GSK3B: variants seen among roughly 807,000 people sequenced by gnomAD.
GSK3B encodes glycogen synthase kinase-3 beta.
GSK3B carries 15 observed loss-of-function variants against 56.4 expected under a neutral mutation model. The observed-to-expected ratio is 0.27, with a 90% CI of 0.18 to 0.41. The LOEUF (loss-of-function observed/expected upper bound fraction) is 0.41, where lower values mean the gene tolerates loss of function less well. GSK3B is among the 10% of genes least tolerant of loss of function. GSK3B has a pLI of 1.00. For synonymous variants in GSK3B, 181 were observed against 188.9 expected, an observed-to-expected ratio of 0.96 and a Z score of 0.34; for missense variants, 300 against 513.4, an observed-to-expected ratio of 0.58 and a Z score of 4.02.
intron 7 of GSK3B, among the ~76,000 whole-genome samples, chr3:119,878,487 G>A (rs1229646692): frequency 6.6e-6 from 1 of 152,142 alleles, no homozygotes; most frequent in Non-Finnish European, 1.5e-5. Flanking sequence ...TACAGCAACT[G>A]AAGCTCTCAC....
At chr3:120,009,450 T>C (rs1032350796) in intron 1 of GSK3B, among the ~76,000 whole-genome samples, 1 of 152,154 alleles carries the variant, frequency 6.6e-6, no homozygotes, top group Non-Finnish European at 1.5e-5. Context: ...CCATCAGTGA[T>C]AGACTGGATT....
intron 1 of GSK3B, chr3:120,041,280 C>T (rs891352617): frequency 1.9e-5 from 5 of 267,944 alleles, no homozygotes; most frequent in Admixed American, 3.6e-5. Flanking sequence ...AGCTAATTTT[C>T]CTGAGTAAGT....
At chr3:119,962,490 A>G (rs2057281953) in intron 2 of GSK3B, among the ~76,000 whole-genome samples, 2 of 152,320 alleles carry the variant, frequency 1.3e-5, no homozygotes, top group Non-Finnish European at 1.5e-5. Context: ...TTAGGCAAGA[A>G]TGCCCACTCT....
chr3:119,930,519 G>C (rs2056935815), intron 3 of GSK3B, among the ~76,000 whole-genome samples: 1 of 152,128 alleles, frequency 6.6e-6, no homozygotes, highest in African/African-American at 2.4e-5. Flanking sequence ...AGACCTAGAA[G>C]AATGGCTTAA....
At chr3:119,854,686 G>A (rs185171183) in intron 9 of GSK3B, among the ~76,000 whole-genome samples, 3 of 152,206 alleles carry the variant, frequency 2.0e-5, no homozygotes, top group Non-Finnish European at 2.9e-5. Flanking sequence ...ATTTCTTCTA[G>A]ATTTTCTAGT....
At chr3:120,024,543 C>T (rs2057907901) in intron 1 of GSK3B, among the ~76,000 whole-genome samples, 1 of 152,158 alleles carries the variant, frequency 6.6e-6, no homozygotes, top group South Asian at 2.1e-4. Flanking sequence ...TCTCTGAAAA[C>T]CTCCTTCCCC....
intron 2 of GSK3B, among the ~76,000 whole-genome samples, chr3:119,980,125 T>C (rs1185775942): frequency 6.6e-6 from 1 of 152,182 alleles, no homozygotes; most frequent in Admixed American, 6.5e-5. Context: ...TCAAATATTT[T>C]TAAGGGAAAA....
At chr3:119,885,579 G>C (rs990671124) in intron 7 of GSK3B, among the ~76,000 whole-genome samples, 1 of 152,088 alleles carries the variant, frequency 6.6e-6, no homozygotes, top group African/African-American at 2.4e-5. Context: ...AACCAAAAAA[G>C]AGCCCATATA....
intron 1 of GSK3B, among the ~76,000 whole-genome samples, chr3:120,010,695 G>A (rs945759814): frequency 6.6e-6 from 1 of 152,160 alleles, no homozygotes; most frequent in African/African-American, 2.4e-5. Flanking sequence ...GCACATGCCT[G>A]TAAGTGAGCC....
intron 10 of GSK3B, among the ~76,000 whole-genome samples, chr3:119,838,842 A>G (rs1455427474): frequency 6.6e-6 from 1 of 152,194 alleles, no homozygotes; most frequent in Non-Finnish European, 1.5e-5. Flanking sequence ...TAAAATCCCT[A>G]AAGTGGAATT....
chr3:120,043,473 A>G (rs571086550), intron 1 of GSK3B, among the ~76,000 whole-genome samples: 3 of 152,272 alleles, frequency 2.0e-5, no homozygotes, highest in South Asian at 4.1e-4. Context: ...GAACAATGAC[A>G]AAGACAAATC....
chr3:119,985,322 G>T (rs978611554), intron 2 of GSK3B, among the ~76,000 whole-genome samples: 4 of 152,122 alleles, frequency 2.6e-5, no homozygotes, highest in Non-Finnish European at 5.9e-5. Context: ...ACATAGTGTT[G>T]GAAGTTCTGG....
intron 4 of GSK3B, among the ~76,000 whole-genome samples, chr3:119,922,342 A>G (rs2056851672): frequency 1.3e-5 from 2 of 148,286 alleles, no homozygotes; most frequent in South Asian, 4.2e-4. Flanking sequence ...TATACTTTAT[A>G]TATAAATATA....
intron 7 of GSK3B, among the ~76,000 whole-genome samples, chr3:119,897,378 T>G (rs1359564136): frequency 1.3e-5 from 2 of 152,126 alleles, no homozygotes; most frequent in African/African-American, 2.4e-5. Flanking sequence ...AATAATTCTT[T>G]TAATGCCTCC....
intron 9 of GSK3B, among the ~76,000 whole-genome samples, chr3:119,859,092 C>T (rs548279913): frequency 6.6e-6 from 1 of 151,214 alleles, no homozygotes; most frequent in African/African-American, 2.4e-5. Context: ...TAAACATAAG[C>T]TGTTGGAAAA....
At chr3:120,013,302 A>G (rs2057795092) in intron 1 of GSK3B, among the ~76,000 whole-genome samples, 1 of 152,222 alleles carries the variant, frequency 6.6e-6, no homozygotes, top group African/African-American at 2.4e-5. Flanking sequence ...AAAGCTGAAC[A>G]TACTTTGTTC....
intron 3 of GSK3B, among the ~76,000 whole-genome samples, chr3:119,928,614 A>T (rs1403226017): frequency 4.2e-5 from 5 of 118,306 alleles, no homozygotes. Context: ...CAAAAAAATA[A>T]AAAAAAAAAA....
intron 10 of GSK3B, among the ~76,000 whole-genome samples, chr3:119,837,961 T>C (rs1559802436): frequency 6.8e-6 from 1 of 147,306 alleles, no homozygotes; most frequent in Non-Finnish European, 1.5e-5. Flanking sequence ...TATATATATA[T>C]ATATATATAT....
In GSK3B at chr3:119,823,865, T is replaced by A. The variant is rs2055454234; in HGVS notation, c.*2923A>T. 5.0e-6 allele frequency: 1 copy of A among 199,840 alleles called. No individual in the cohort carries two copies. Among genetic ancestry groups the A allele is most frequent in the African/African-American group, 2.3e-5 (1 of 42,904 alleles). The allele number at this position is 199,840 out of a possible 1,614,324, so 12.4% of individuals were successfully genotyped here. A position where few individuals can be genotyped will look rare whatever the true frequency, so the allele number is the denominator to read the frequency against. On this transcript the variant is annotated 3_prime_UTR_variant, in exon 11 of 11. Transcript: ENST00000264235. ...GTTATTATTTCAAAGGGAAAGGGGG[T>A]GGACAGGGAGACATGGATAAAGGAA...
Sources: gnomAD v4.1 joint callset for allele counts (sites outside exome capture counted in the v4.1 genomes callset) on GRCh38, gnomAD v4.1.1 for gene constraint, MANE v1.5 for transcripts, NCBI Gene and HGNC (gene_info 2026-07-23, HGNC 2026-07-21) for gene names.